GRIN2B: variants seen among roughly 807,000 people sequenced by gnomAD.
GRIN2B encodes the protein glutamate receptor ionotropic, NMDA 2B.
In GRIN2B, 5 loss-of-function variants were observed where a neutral mutation model predicts 114.5. That is an observed-to-expected ratio of 0.04 (90% CI 0.02 to 0.09). The LOEUF is 0.09. GRIN2B is among the 10% of genes least tolerant of loss of function. The probability of loss-of-function intolerance (pLI) is 1.00; values close to 1 mark genes in which losing one functional copy is unlikely to be tolerated. For missense variants in GRIN2B, 1,108 were observed against 1,943.5 expected, an observed-to-expected ratio of 0.57 and a Z score of 8.08; for synonymous variants, 787 against 745.1, an observed-to-expected ratio of 1.06 and a Z score of -0.92.
rs182430372 is a variant in GRIN2B at position 13,655,620 on chromosome 12, C to T, written c.1125+20125G>A. On this transcript the variant is annotated intron_variant, in intron 5 of 13. Transcript: ENST00000609686. The stretch of plus-strand genomic sequence containing the variant: ...GTCCAACGCCTGGCTCTTCCATTGA[C>T]TAGCTGTGTCCTTCAGAAAGTCACT... Among the ~76,000 whole-genome samples the T allele has an allele frequency of 1.2e-4, 18 of 152,304 alleles. No homozygotes were observed. In the East Asian group the frequency reaches 3.3e-3, roughly 28 times the overall value.
intron 4 of GRIN2B, among the ~76,000 whole-genome samples, chr12:13,742,499 C>T (rs1046551691): frequency 1.3e-5 from 2 of 152,150 alleles, no homozygotes; most frequent in African/African-American, 2.4e-5. Context: ...GGCATGATCT[C>T]GGCTCACTGA....
intron 5 of GRIN2B, among the ~76,000 whole-genome samples, chr12:13,667,020 C>T (rs1949982668): frequency 6.6e-6 from 1 of 152,186 alleles, no homozygotes; most frequent in African/African-American, 2.4e-5. Context: ...GCATTGCTCT[C>T]TCCCTTCTGG....
chr12:13,651,012 C>T (rs975461203), intron 5 of GRIN2B, among the ~76,000 whole-genome samples: 1 of 152,068 alleles, frequency 6.6e-6, no homozygotes, highest in Non-Finnish European at 1.5e-5. Flanking sequence ...CTTCATATGG[C>T]CTCTTACTCT....
At chr12:13,924,649 T>C (rs143520531) in intron 2 of GRIN2B, among the ~76,000 whole-genome samples, 1 of 152,272 alleles carries the variant, frequency 6.6e-6, no homozygotes, top group African/African-American at 2.4e-5. Flanking sequence ...TTCAGTCTCA[T>C]CACGGTCAAA....
chr12:13,940,583 G>A (rs1319916066), intron 2 of GRIN2B, among the ~76,000 whole-genome samples: 1 of 152,110 alleles, frequency 6.6e-6, no homozygotes, highest in Non-Finnish European at 1.5e-5. Flanking sequence ...ATTGAGCAAA[G>A]GGAAGTGTAG....
chr12:13,652,705 C>T (rs1949826643), intron 5 of GRIN2B, among the ~76,000 whole-genome samples: 1 of 152,118 alleles, frequency 6.6e-6, no homozygotes, highest in East Asian at 1.9e-4. Flanking sequence ...AAAGGAGACA[C>T]AAATGGTTCA....
chr12:13,537,690 A>G lies in GRIN2B; in HGVS notation c.*25093T>C, dbSNP rs183775326. On this transcript the variant is annotated 3_prime_UTR_variant, in exon 14 of 14. Transcript: ENST00000609686. ...GCTGTATATTAAAATCACCTGGGCA[A>G]GTTTTCAACCCCTAACCCCTCCAGC... 6.6e-6 allele frequency: 1 copy of G among 152,358 alleles called. No individual in the cohort carries two copies. The highest frequency in any genetic ancestry group is 6.5e-5 in the Admixed American group (1 of 15,304). 9.4% of individuals were successfully genotyped at this position (152,358 alleles called of 1,614,324 possible).
At chr12:13,593,946 G>A (rs868017804) in intron 10 of GRIN2B, among the ~76,000 whole-genome samples, 3 of 152,198 alleles carry the variant, frequency 2.0e-5, no homozygotes, top group African/African-American at 7.2e-5. Flanking sequence ...CTGGTCATTA[G>A]AGAAATGCAA....
chr12:13,867,724 T>C (rs1270860869), intron 2 of GRIN2B, among the ~76,000 whole-genome samples: 1 of 152,092 alleles, frequency 6.6e-6, no homozygotes, highest in Non-Finnish European at 1.5e-5. Context: ...TTATCCAAGG[T>C]CAATGGCATT....
At chr12:13,728,713 A>G (rs778312456) in intron 4 of GRIN2B, among the ~76,000 whole-genome samples, 19 of 152,196 alleles carry the variant, frequency 1.2e-4, no homozygotes, top group Non-Finnish European at 2.2e-4. Flanking sequence ...GCCAATGCTC[A>G]GTGAAAATTA....
chr12:13,778,760 C>T (rs1483430601), intron 3 of GRIN2B, among the ~76,000 whole-genome samples: 1 of 152,204 alleles, frequency 6.6e-6, no homozygotes, highest in African/African-American at 2.4e-5. Flanking sequence ...CACCTGAAAC[C>T]CGTACTTTTA....
At chr12:13,661,476 C>T (rs143312214) in intron 5 of GRIN2B, among the ~76,000 whole-genome samples, 2 of 152,268 alleles carry the variant, frequency 1.3e-5, no homozygotes, top group African/African-American at 4.8e-5. Flanking sequence ...GCTCAGAATT[C>T]GCAGCTGCCC....
At chr12:13,841,845 G>A (rs1384939020) in intron 3 of GRIN2B, among the ~76,000 whole-genome samples, 7 of 152,008 alleles carry the variant, frequency 4.6e-5, no homozygotes, top group Admixed American at 4.6e-4. Context: ...TCTTAGTTTT[G>A]TTTGTAGTTT....
chr12:13,903,212 A>G (rs1866483677), intron 2 of GRIN2B, among the ~76,000 whole-genome samples: 1 of 152,104 alleles, frequency 6.6e-6, no homozygotes. Context: ...ACTTTGCAAT[A>G]TATGTTTATC....
chr12:13,878,144 T>C (rs961345736), intron 2 of GRIN2B, among the ~76,000 whole-genome samples: 30 of 151,834 alleles, frequency 2.0e-4, no homozygotes, highest in African/African-American at 7.0e-4. Context: ...GTTTGGACTA[T>C]ATGGTAAACT....
intron 11 of GRIN2B, among the ~76,000 whole-genome samples, chr12:13,570,416 G>T (rs1432368789): frequency 1.3e-5 from 2 of 152,216 alleles, no homozygotes; most frequent in Admixed American, 1.3e-4. Context: ...GTTTATTACA[G>T]TCTGGAGTGG....
intron 5 of GRIN2B, among the ~76,000 whole-genome samples, chr12:13,662,314 A>G (rs1200012320): frequency 6.6e-6 from 1 of 152,198 alleles, no homozygotes; most frequent in East Asian, 1.9e-4. Context: ...GAATCTGTAT[A>G]CAATTTAGGC....
intron 3 of GRIN2B, among the ~76,000 whole-genome samples, chr12:13,850,489 C>G (rs1239560215): frequency 6.6e-6 from 1 of 152,212 alleles, no homozygotes; most frequent in East Asian, 1.9e-4. Context: ...GCAGCTGCAG[C>G]TCCCAGGCCC....
chr12:13,608,517 A>G, intron 10 of GRIN2B, 86 bp downstream of exon 10: 1 of 971,090 alleles, frequency 1.0e-6, no homozygotes, highest in Admixed American at 2.0e-5. Flanking sequence ...CCAAAAATTT[A>G]GAAGACAAGC....
Sources: gnomAD v4.1 joint callset for allele counts (sites outside exome capture counted in the v4.1 genomes callset) on GRCh38, gnomAD v4.1.1 for gene constraint, MANE v1.5 for transcripts, NCBI Gene and HGNC (gene_info 2026-07-23, HGNC 2026-07-21) for gene names.